Variants in LPP observed in about 807,000 individuals in gnomAD.
LPP encodes LIM domain containing preferred translocation partner in lipoma.
A neutral mutation model predicts 60.4 loss-of-function variants in LPP; 38 were observed. The observed-to-expected ratio is 0.63, with a 90% CI of 0.49 to 0.83. The LOEUF is 0.83. Ranked by LOEUF, LPP falls within the 40% of genes least tolerant of loss-of-function variation. The pLI, the probability that LPP is intolerant of heterozygous loss-of-function variation, is 0.00. For synonymous variants in LPP, 328 were observed against 290.8 expected (o/e 1.13, Z -1.30); for missense variants, 902 against 783.6 (o/e 1.15, Z -1.80).
intron 2 of LPP, among the ~76,000 whole-genome samples, chr3:188,257,303 T>A (rs911107089): frequency 1.2e-4 from 18 of 152,352 alleles, no homozygotes; most frequent in African/African-American, 4.3e-4. Context: ...CAGGCTTTGA[T>A]GAGCTGTGTG....
intron 1 of LPP, among the ~76,000 whole-genome samples, chr3:188,219,249 T>A (rs968341065): frequency 6.6e-6 from 1 of 152,168 alleles, no homozygotes; most frequent in South Asian, 2.1e-4. Flanking sequence ...TGCTCAAAAT[T>A]CCATAGTTAA....
chr3:188,270,280 A>AACACACAGACGTGTGTGTGTGGACACAC (rs1276078932), intron 2 of LPP, among the ~76,000 whole-genome samples: 1 of 151,816 alleles, frequency 6.6e-6, no homozygotes, highest in African/African-American at 2.4e-5. Flanking sequence ...TTCGTTCCCA[A>AACACACAGACGTGTGTGTGTGGACACAC]ACACACAGAC....
At chr3:188,737,785 T>C (rs1723038813) in intron 8 of LPP, among the ~76,000 whole-genome samples, 1 of 152,160 alleles carries the variant, frequency 6.6e-6, no homozygotes, top group Admixed American at 6.6e-5. Context: ...GTAGATTCTT[T>C]AGTCCACCAT....
intron 5 of LPP, among the ~76,000 whole-genome samples, chr3:188,502,251 C>T (rs1812141071): frequency 1.3e-5 from 2 of 152,146 alleles, no homozygotes; most frequent in African/African-American, 4.8e-5. Context: ...TTTCTTCCTT[C>T]AATTCTGGTA....
chr3:188,307,378 A>G (rs1472806029), intron 2 of LPP, among the ~76,000 whole-genome samples: 5 of 152,302 alleles, frequency 3.3e-5, no homozygotes, highest in East Asian at 1.9e-4. Context: ...AAATCAGAAT[A>G]TCTGTGGGTG....
chr3:188,569,966 C>A (rs759027766), intron 6 of LPP, among the ~76,000 whole-genome samples: 31 of 151,728 alleles, frequency 2.0e-4, no homozygotes, highest in Non-Finnish European at 4.0e-4. Context: ...CCCTAGATAA[C>A]CTCAAATCTA....
intron 6 of LPP, among the ~76,000 whole-genome samples, chr3:188,535,053 CA>C (rs138922813): frequency 0.26 from 39,474 of 151,998 alleles, 5,604 homozygotes; most frequent in Middle Eastern, 0.34. Flanking sequence ...ATGAAATATA[CA>C]AAGTGAGCAC....
chr3:188,230,347 G>T (rs1361569796), intron 2 of LPP, among the ~76,000 whole-genome samples: 2 of 152,158 alleles, frequency 1.3e-5, no homozygotes, highest in African/African-American at 4.8e-5. Flanking sequence ...GCCCTCCAAA[G>T]TGCTGGGATT....
intron 6 of LPP, among the ~76,000 whole-genome samples, chr3:188,586,660 T>C (rs4407399): frequency 0.32 from 48,909 of 151,822 alleles, 8,538 homozygotes; most frequent in Non-Finnish European, 0.39. Context: ...CTGAGCAGTG[T>C]AATATGTGAC....
intron 9 of LPP, among the ~76,000 whole-genome samples, chr3:188,819,068 GTGTTAC>G (rs1753257714): frequency 7.7e-6 from 1 of 130,400 alleles, no homozygotes; most frequent in African/African-American, 3.0e-5. Flanking sequence ...GTGTGTGTGT[GTGTTAC>G]TTACAATGTT....
intron 2 of LPP, among the ~76,000 whole-genome samples, chr3:188,310,539 C>A (rs896198538): frequency 1.3e-5 from 2 of 152,140 alleles, no homozygotes; most frequent in African/African-American, 4.8e-5. Context: ...TTTGCCTACA[C>A]ATTGAAATAA....
At chr3:188,724,805 AT>A (rs1717755822) in intron 8 of LPP, among the ~76,000 whole-genome samples, 1 of 152,160 alleles carries the variant, frequency 6.6e-6, no homozygotes, top group Admixed American at 6.5e-5. Flanking sequence ...ATCCATGCCT[AT>A]GGCATCTTCT....
chr3:188,859,043 C>T (rs941596375), intron 9 of LPP, among the ~76,000 whole-genome samples: 25 of 139,550 alleles, frequency 1.8e-4, no homozygotes, highest in Non-Finnish European at 3.3e-4. Context: ...GAGCCGAGAT[C>T]GCGCCACTGC....
Position 188,331,701 on chromosome 3 carries a change from T to A in LPP, c.-66-9962T>A, listed in dbSNP as rs1158588252. Among the ~76,000 whole-genome samples, 4 of 152,274 alleles carry A rather than the reference T, an allele frequency of 2.6e-5. No homozygotes were observed. In the East Asian group the frequency reaches 5.8e-4, roughly 22 times the overall value. On this transcript the variant is annotated intron_variant, in intron 2 of 11. Coordinates refer to ENST00000617246, the MANE Select transcript of LPP (RefSeq NM_001375462.1). ...ATCACTTTCTAGATTTTGGTCCTGA[T>A]GTCCAACTCTAAGGGACTCCCTCAA...
At chr3:188,367,050 C>T (rs1358261632) in intron 3 of LPP, among the ~76,000 whole-genome samples, 1 of 152,090 alleles carries the variant, frequency 6.6e-6, no homozygotes, top group African/African-American at 2.4e-5. Context: ...GCACCCGCCA[C>T]CATGCCCGGC....
chr3:188,664,713 G>A (rs536870299), intron 7 of LPP, among the ~76,000 whole-genome samples: 23 of 152,088 alleles, frequency 1.5e-4, no homozygotes, highest in Non-Finnish European at 2.6e-4. Flanking sequence ...TTTAAATAAC[G>A]TTGAGGTTAT....
chr3:188,457,002 C>T (rs1388947963), intron 4 of LPP, among the ~76,000 whole-genome samples: 2 of 151,978 alleles, frequency 1.3e-5, no homozygotes, highest in African/African-American at 4.8e-5. Context: ...TATTTGGTAT[C>T]CAAAGCAGAA....
chr3:188,523,360 T>C (rs1819547870), intron 5 of LPP, among the ~76,000 whole-genome samples: 1 of 152,164 alleles, frequency 6.6e-6, no homozygotes, highest in African/African-American at 2.4e-5. Context: ...TCAAGCTGAC[T>C]AAGTTCCCAA....
In LPP at chr3:188,883,213, G is replaced by T; in HGVS notation, c.*8734G>T. 4.6e-6 allele frequency: 1 copy of T among 217,202 alleles called. No individual in the cohort carries two copies. Among genetic ancestry groups the T allele is most frequent in the Non-Finnish European group, 9.3e-6 (1 of 107,818 alleles). 13.5% of individuals were successfully genotyped at this position (217,202 alleles called of 1,614,324 possible). ...TTCCATATATATTTGTTTTGTTTTG[G>T]GCATTGCATTACTTTTTTGAATTTT... On this transcript the variant is annotated 3_prime_UTR_variant, in exon 12 of 12. Transcript: ENST00000617246.
Sources: gnomAD v4.1 joint callset for allele counts (sites outside exome capture counted in the v4.1 genomes callset) on GRCh38, gnomAD v4.1.1 for gene constraint, MANE v1.5 for transcripts, NCBI Gene and HGNC (gene_info 2026-07-23, HGNC 2026-07-21) for gene names.